Variants in MICALL2 observed in about 807,000 individuals in gnomAD.
MICALL2 encodes MICAL-like protein 2.
MICALL2 carries 111 observed loss-of-function variants against 91.1 expected under a neutral mutation model. The observed-to-expected ratio is 1.22, with a 90% confidence interval of 1.04 to 1.43. The LOEUF (loss-of-function observed/expected upper bound fraction) is 1.43. Ranked by LOEUF, MICALL2 falls within the 40% of genes most tolerant of loss-of-function variation. The pLI is 0.00. For missense variants in MICALL2, 1,556 were observed against 1,236.0 expected (o/e 1.26, Z -3.88); for synonymous variants, 694 against 525.3 (o/e 1.32, Z -4.39).
At position 1,444,786 on chromosome 7, in the gene MICALL2, G is replaced by C. The variant is rs747988091; in HGVS notation, c.1284C>G (p.Pro428=). 6 of 1,610,992 alleles carry C rather than the reference G, an allele frequency of 3.7e-6. No homozygotes were observed. The highest frequency in any genetic ancestry group is 2.2e-5 in the South Asian group (2 of 90,988). Residue 428 remains proline (P), a synonymous_variant, in exon 6 of 17, where the codon CCC becomes CCG. Transcript: ENST00000297508. The part of the protein sequence containing the change: ...NKFFQTSAVP[P]GTSLSGRGPT... Reference sequence around the variant, plus strand: ...GACCTCTGCCAGAAAGGCTGGTGCCGGGGGGCACTGCTGATGTTTGGAAAA... The same window carrying C: ...GACCTCTGCCAGAAAGGCTGGTGCCCGGGGGCACTGCTGATGTTTGGAAAA...
intron 5 of MICALL2, among the ~76,000 whole-genome samples, chr7:1,445,867 C>T (rs1780550886): frequency 6.6e-6 from 1 of 151,994 alleles, no homozygotes; most frequent in Non-Finnish European, 1.5e-5. Context: ...GTAGGGGGAA[C>T]AGCGCTTGTT....
At chr7:1,444,589 CG>C in intron 6 of MICALL2, 62 bp downstream of exon 6, 3 of 1,511,996 alleles carry the variant, frequency 2.0e-6, no homozygotes, top group South Asian at 2.5e-5. Flanking sequence ...CTCTGGCCTC[CG>C]GGGCCCCGCT....
intron 9 of MICALL2, chr7:1,439,366 A>C (rs750781039): frequency 5.1e-5 from 13 of 253,934 alleles, no homozygotes; most frequent in African/African-American, 2.3e-5. Flanking sequence ...TTCATGAAAC[A>C]GATCCACACA....
rs769863252 is a variant in MICALL2 at position 1,444,693 on chromosome 7, G to A, written c.1377C>T (p.Ala459=). ...CGCCAGCCTCTTCCAGCGCTGAGAG[G>A]GCCTGCTTGAGGAAGTTCCGCGCCT... ...KEQARNFLKQ[A]LSALEEAGAP... is the part of the protein sequence containing the mutation. Residue 459 remains alanine, a synonymous_variant, in exon 6 of 17, where the codon GCC becomes GCT. Transcript: ENST00000297508. 21 of 1,611,974 alleles carry A rather than the reference G, an allele frequency of 1.3e-5. No individual in the cohort carries two copies. In the East Asian group the frequency reaches 3.1e-4, roughly 24 times the overall value.
intron 9 of MICALL2, 114 bp from the exon 10 acceptor site, chr7:1,439,109 G>A (rs1445607078): frequency 8.5e-6 from 7 of 828,176 alleles, no homozygotes; most frequent in Non-Finnish European, 9.2e-6. Flanking sequence ...CCCATGCCCT[G>A]GGCCTCCCGA....
intron 13 of MICALL2, 96 bp from the exon 14 acceptor site, chr7:1,437,704 A>C: frequency 7.3e-7 from 1 of 1,363,982 alleles, no homozygotes; most frequent in Non-Finnish European, 1.0e-6. Flanking sequence ...TGCCACACAG[A>C]CACGAGTCTG....
At chr7:1,439,696 CATCACGCATGG>C (rs1166552411) in intron 9 of MICALL2, 1 of 427,842 alleles carries the variant, frequency 2.3e-6, no homozygotes, top group African/African-American at 2.1e-5. Context: ...CGCACACATG[CATCACGCATGG>C]ATACAGGCAT....
intron 1 of MICALL2, among the ~76,000 whole-genome samples, chr7:1,455,058 CAAG>C (rs989996316): frequency 2.6e-5 from 4 of 152,344 alleles, no homozygotes; most frequent in African/African-American, 4.8e-5. Flanking sequence ...CCACGAACCC[CAAG>C]AAGGAGGCCG....
chr7:1,436,132 G>GT (rs1425319947), intron 15 of MICALL2, among the ~76,000 whole-genome samples: 1 of 151,936 alleles, frequency 6.6e-6, no homozygotes, highest in African/African-American at 2.4e-5. Context: ...GCTCATGCCT[G>GT]TAATTCCAGC....
At chr7:1,449,282 C>G (rs1780733928) in intron 2 of MICALL2, among the ~76,000 whole-genome samples, 1 of 152,234 alleles carries the variant, frequency 6.6e-6, no homozygotes, top group African/African-American at 2.4e-5. Context: ...GGCCGGCACA[C>G]TTGAGGAACT....
chr7:1,437,754 G>C, intron 13 of MICALL2, 136 bp downstream of exon 13: 1 of 1,216,240 alleles, frequency 8.2e-7, no homozygotes, highest in Admixed American at 2.0e-5. Flanking sequence ...GGCCCACCCA[G>C]ACCGCAACGA....
At chr7:1,436,272 C>T (rs184503575) in intron 15 of MICALL2, among the ~76,000 whole-genome samples, 1 of 151,814 alleles carries the variant, frequency 6.6e-6, no homozygotes, top group African/African-American at 2.4e-5. Flanking sequence ...GAGCTTGCTA[C>T]TCAGGAGGCT....
At position 1,442,468 on chromosome 7, in the gene MICALL2, C is replaced by A. The variant is rs1780345995; in HGVS notation, c.1435G>T (p.Ala479Ser). 1.3e-6 allele frequency: 2 copies of A among 1,534,278 alleles called. No individual in the cohort carries two copies. The highest frequency in any genetic ancestry group is 1.8e-6 in the Non-Finnish European group (2 of 1,139,382). The change falls in exon 7 of 17, where the codon GCC (alanine) becomes TCC (serine). Residue 479 changes from alanine to serine, a missense_variant. Physicochemically the swap from Ala to Ser is moderately conservative, Grantham distance 99 (BLOSUM62 1). Transcript: ENST00000297508. The part of the protein sequence containing the change: ...PAPGRPSPAT[A>S]AVPSSQPKTE... Reference sequence around the variant, plus strand: ...TTGGGCTGAGAACTGGGAACAGCGGCAGTGGCTGGGGAGGGCCTATAAGTA... The same window carrying A: ...TTGGGCTGAGAACTGGGAACAGCGGAAGTGGCTGGGGAGGGCCTATAAGTA...
At position 1,450,542 on chromosome 7, in the gene MICALL2, C is replaced by T. The variant is rs568162587; in HGVS notation, c.144-254G>A. The T allele has an allele frequency of 5.8e-5, 27 of 468,144 alleles. 1 individual carries two copies. The South Asian group carries it at 6.4e-4, about 11-fold the overall frequency. The allele number at this position is 468,144 out of a possible 1,614,324, so 29.0% of individuals were successfully genotyped here. A position where few individuals can be genotyped will look rare whatever the true frequency, so the allele number is the denominator to read the frequency against. ...TCACCTCCTGTACCCTGACAGGCCG[C>T]CCCTCACCAGTGCTCCTGCCACAGT... On this transcript the variant is annotated intron_variant, in intron 1 of 16. Coordinates refer to ENST00000297508, the MANE Select transcript of MICALL2 (RefSeq NM_182924.4).
At chr7:1,449,192 G>A (rs145853774) in intron 2 of MICALL2, among the ~76,000 whole-genome samples, 1 of 152,382 alleles carries the variant, frequency 6.6e-6, no homozygotes, top group Non-Finnish European at 1.5e-5. Flanking sequence ...GGCCGCTAGA[G>A]GCTGAGACAG....
intron 6 of MICALL2, among the ~76,000 whole-genome samples, chr7:1,442,862 G>A (rs140570242): frequency 1.3e-3 from 202 of 152,264 alleles, no homozygotes; most frequent in Middle Eastern, 3.4e-3. Flanking sequence ...CCAGGCTGGA[G>A]GCACCTGGGG....
intron 1 of MICALL2, among the ~76,000 whole-genome samples, chr7:1,455,231 A>G (rs980791744): frequency 2.6e-5 from 4 of 152,220 alleles, no homozygotes; most frequent in African/African-American, 9.6e-5. Flanking sequence ...GAAAGGAGCC[A>G]GCCCATGGCA....
At position 1,454,269 on chromosome 7, in the gene MICALL2, G is replaced by A. The variant is rs146244958; in HGVS notation, c.144-3981C>T. On this transcript the variant is annotated intron_variant, in intron 1 of 16. Transcript: ENST00000297508. ...CCACGGAGAAGGGAGCAGAGGGAGT[G>A]GGGAGAGGCAGGTGGACGGACAGAG... Among the ~76,000 whole-genome samples, 174 of 152,256 alleles carry A rather than the reference G, an allele frequency of 1.1e-3. 1 individual carries two copies. The highest frequency in any genetic ancestry group is 5.8e-3 in the East Asian group (30 of 5,182).
chr7:1,438,411 G>A, intron 10 of MICALL2, 58 bp from the exon 11 acceptor site: 2 of 1,556,880 alleles, frequency 1.3e-6, no homozygotes, highest in South Asian at 1.2e-5. Flanking sequence ...AACGTGACCA[G>A]GACACAGCTT....
Sources: gnomAD v4.1 joint callset for allele counts (sites outside exome capture counted in the v4.1 genomes callset) on GRCh38, gnomAD v4.1.1 for gene constraint, MANE v1.5 for transcripts, NCBI Gene and HGNC (gene_info 2026-07-23, HGNC 2026-07-21) for gene names.